The following CELF2 variants were observed in gnomAD, a reference collection of about 807,000 sequenced individuals.
CELF2 encodes CUGBP Elav-like family member 2.
Under a neutral mutation model 62.6 loss-of-function variants are expected in CELF2, and 8 were observed. The ratio of observed to expected loss-of-function variants is 0.13; its 90% CI spans 0.07 to 0.23. The LOEUF (loss-of-function observed/expected upper bound fraction) is 0.23, where lower values mean the gene tolerates loss of function less well. CELF2 is among the 10% of genes least tolerant of loss of function. The pLI is 1.00. For missense variants in CELF2, 333 were observed against 671.0 expected, an observed-to-expected ratio of 0.50 and a Z score of 5.56; for synonymous variants, 258 against 250.0, an observed-to-expected ratio of 1.03 and a Z score of -0.30.
the CELF2 span, among the ~76,000 whole-genome samples, chr10:10,558,218 T>A: frequency 1.3e-5 from 2 of 152,212 alleles, no homozygotes; most frequent in Admixed American, 6.5e-5. Flanking sequence ...CATCAATACC[T>A]AATTTATTGA....
intron 1 of CELF2, among the ~76,000 whole-genome samples, chr10:10,884,135 A>T (rs566063427): frequency 7.2e-5 from 11 of 152,234 alleles, no homozygotes; most frequent in Admixed American, 3.9e-4. Context: ...AAATGGAAAG[A>T]AAAAAGAATA....
intron 9 of CELF2, among the ~76,000 whole-genome samples, chr10:11,301,528 C>T (rs867195409): frequency 1.6e-4 from 18 of 114,864 alleles, no homozygotes; most frequent in Non-Finnish European, 2.6e-4. Context: ...CCCCCCACCC[C>T]GCTCCCGCTG....
At chr10:10,907,977 T>C (rs1185139404) in intron 1 of CELF2, among the ~76,000 whole-genome samples, 2 of 152,140 alleles carry the variant, frequency 1.3e-5, no homozygotes, top group Non-Finnish European at 1.5e-5. Flanking sequence ...TTATTTCAAA[T>C]GGGTAAAATG....
upstream of CELF2, among the ~76,000 whole-genome samples, chr10:11,003,918 G>A (rs980737525): frequency 1.3e-5 from 2 of 152,110 alleles, no homozygotes; most frequent in Non-Finnish European, 2.9e-5. This position sits in a 1 kb window ranked among gnomAD's most constrained non-coding sequence, Gnocchi z 4.4. Flanking sequence ...GACTCATCAC[G>A]CCTTCTTGTT....
intron 2 of CELF2, among the ~76,000 whole-genome samples, chr10:10,921,699 G>C (rs1009927627): frequency 1.3e-5 from 2 of 152,192 alleles, no homozygotes; most frequent in African/African-American, 4.8e-5. Flanking sequence ...GATGGGATCA[G>C]CTTGAGAGGA....
the CELF2 span, among the ~76,000 whole-genome samples, chr10:10,764,710 G>A: frequency 2.0e-5 from 3 of 152,150 alleles, no homozygotes; most frequent in African/African-American, 7.2e-5. Context: ...AAATCATCAT[G>A]CCAATACTTT....
the CELF2 span, among the ~76,000 whole-genome samples, chr10:10,463,202 A>T: frequency 3.3e-5 from 5 of 152,206 alleles, no homozygotes; most frequent in African/African-American, 1.2e-4. Flanking sequence ...TGTATTTGAG[A>T]TGCTAACTTT....
the CELF2 span, among the ~76,000 whole-genome samples, chr10:10,477,686 T>C: frequency 6.6e-6 from 1 of 151,708 alleles, no homozygotes; most frequent in Non-Finnish European, 1.5e-5. Context: ...CTAAGAATGA[T>C]TTCACATTTT....
the CELF2 span, among the ~76,000 whole-genome samples, chr10:10,638,229 C>A: frequency 1.3e-5 from 2 of 152,202 alleles, no homozygotes; most frequent in Non-Finnish European, 2.9e-5. Context: ...TAAAAAAATT[C>A]ATGGGTCCTT....
chr10:10,685,954 A>G, the CELF2 span, among the ~76,000 whole-genome samples: 1 of 152,140 alleles, frequency 6.6e-6, no homozygotes, highest in African/African-American at 2.4e-5. Context: ...AGGCCAGTTC[A>G]GAATGGTCAT....
chr10:11,109,625 T>C (rs921557931), intron 1 of CELF2, among the ~76,000 whole-genome samples: 1 of 152,208 alleles, frequency 6.6e-6, no homozygotes, highest in African/African-American at 2.4e-5. Context: ...TCTGAATTCA[T>C]TACCCTGGGC....
the CELF2 span, among the ~76,000 whole-genome samples, chr10:10,730,408 C>T: frequency 6.6e-6 from 1 of 152,136 alleles, no homozygotes; most frequent in Admixed American, 6.5e-5. Flanking sequence ...ACCCGGGAGG[C>T]AGAAGTTGCA....
chr10:11,092,292 C>A (rs2048527626), intron 1 of CELF2: 1 of 152,200 alleles, frequency 6.6e-6, no homozygotes, highest in Non-Finnish European at 1.5e-5. Context: ...CAACTTTCAG[C>A]TTCCTTTATT....
intron 1 of CELF2, among the ~76,000 whole-genome samples, chr10:11,144,621 C>T (rs955755076): frequency 5.3e-5 from 8 of 150,862 alleles, no homozygotes; most frequent in African/African-American, 7.3e-5. Context: ...AGGACAGGCA[C>T]GGTGGCTCAT....
intron 2 of CELF2, among the ~76,000 whole-genome samples, chr10:11,183,340 C>G (rs1027184509): frequency 6.6e-6 from 1 of 152,216 alleles, no homozygotes; most frequent in African/African-American, 2.4e-5. Flanking sequence ...CTCATCACCT[C>G]TCCTCTTGAT....
At chr10:11,195,573 C>G (rs7919653) in intron 2 of CELF2, among the ~76,000 whole-genome samples, 5,470 of 152,272 alleles carry the variant, frequency 0.036, 155 homozygotes, top group African/African-American at 0.075. Context: ...CAGTTGTGTT[C>G]AGAGTTTTGA....
the CELF2 span, among the ~76,000 whole-genome samples, chr10:10,693,010 C>T: frequency 1.4e-5 from 2 of 139,286 alleles, no homozygotes; most frequent in South Asian, 4.8e-4. Context: ...TTTCCTTCTT[C>T]TGCCTAATTG....
At chr10:10,615,036 G>T in the CELF2 span, among the ~76,000 whole-genome samples, 6 of 152,084 alleles carry the variant, frequency 3.9e-5, no homozygotes, top group African/African-American at 1.4e-4. Context: ...GGTCGGTCTG[G>T]CTCCCATCTT....
chr10:11,219,306 T>G (rs1270322609), intron 3 of CELF2, among the ~76,000 whole-genome samples: 5 of 152,232 alleles, frequency 3.3e-5, no homozygotes, highest in Admixed American at 2.6e-4. Flanking sequence ...TGCTTCTGTT[T>G]GGGATTCTTA....
Sources: gnomAD v4.1 joint callset for allele counts (sites outside exome capture counted in the v4.1 genomes callset) on GRCh38, gnomAD v4.1.1 for gene constraint, Gnocchi (gnomAD v3.1) non-coding constraint, MANE v1.5 for transcripts, NCBI Gene and HGNC (gene_info 2026-07-23, HGNC 2026-07-21) for gene names.